GALNT17: variants seen among roughly 807,000 people sequenced by gnomAD.
The protein encoded by GALNT17 is UDP-GalNAc:polypeptide N-acetylgalactosaminyltransferase-like 3.
In GALNT17, 29 loss-of-function variants were observed where a neutral mutation model predicts 63.7. That is an observed-to-expected ratio of 0.46 (90% CI 0.34 to 0.62). GALNT17 has a LOEUF of 0.62. Ranked by LOEUF, GALNT17 falls within the 20% of genes least tolerant of loss-of-function variation. GALNT17 has a pLI of 0.01. For missense variants in GALNT17, 603 were observed against 799.6 expected (o/e 0.75, Z 2.97); for synonymous variants, 305 against 318.3 (o/e 0.96, Z 0.45).
chr7:71,227,018 G>A (rs1374692389), intron 1 of GALNT17, among the ~76,000 whole-genome samples: 1 of 151,526 alleles, frequency 6.6e-6, no homozygotes, highest in Non-Finnish European at 1.5e-5. Flanking sequence ...CAGCTTTTGA[G>A]CCCCTCCTTG....
intron 5 of GALNT17, among the ~76,000 whole-genome samples, chr7:71,450,913 G>GT (rs1787250352): frequency 8.1e-6 from 1 of 123,672 alleles, no homozygotes; most frequent in African/African-American, 3.2e-5. Flanking sequence ...ATTGCATGGC[G>GT]TTTTTCTTTT....
chr7:71,565,137 G>T (rs142294400), intron 5 of GALNT17, among the ~76,000 whole-genome samples: 1 of 152,080 alleles, frequency 6.6e-6, no homozygotes, highest in East Asian at 1.9e-4. Flanking sequence ...CATGGTGCTG[G>T]GTGCCTGTAA....
rs143425779 is a variant in GALNT17, at chr7:71,477,477, C to T, written c.962+56372C>T. Among the ~76,000 whole-genome samples the T allele has an allele frequency of 1.8e-3, 276 of 152,256 alleles. 3 individuals carry two copies. The highest frequency in any genetic ancestry group is 3.0e-3 in the Non-Finnish European group (207 of 68,032). ...TGGCTGTCTTCAGCAGTTGAGGAGA[C>T]GCAAACTGCACAGAGGACAATGAAA... On this transcript the variant is annotated intron_variant, in intron 5 of 10. Transcript: ENST00000333538.
At chr7:71,406,248 A>G (rs1400228128) in intron 3 of GALNT17, among the ~76,000 whole-genome samples, 2 of 152,194 alleles carry the variant, frequency 1.3e-5, no homozygotes, top group Non-Finnish European at 2.9e-5. Flanking sequence ...TCAGCAGAAA[A>G]GGAACTCTGG....
chr7:71,482,901 C>A (rs1260236820), intron 5 of GALNT17, among the ~76,000 whole-genome samples: 2 of 152,074 alleles, frequency 1.3e-5, no homozygotes, highest in African/African-American at 4.8e-5. Context: ...GTTCATGCTC[C>A]TATGAGAATC....
chr7:71,349,830 A>G (rs925341343), intron 2 of GALNT17, among the ~76,000 whole-genome samples: 1 of 152,308 alleles, frequency 6.6e-6, no homozygotes, highest in Admixed American at 6.5e-5. Flanking sequence ...ATGAACACAA[A>G]TGAAGTTTTT....
intron 6 of GALNT17, among the ~76,000 whole-genome samples, chr7:71,578,661 C>T (rs1414182870): frequency 6.6e-6 from 1 of 152,150 alleles, no homozygotes; most frequent in African/African-American, 2.4e-5. Flanking sequence ...AATTATGAGC[C>T]ATCTGGAATA....
intron 9 of GALNT17, among the ~76,000 whole-genome samples, chr7:71,688,931 C>T (rs569907649): frequency 9.2e-5 from 14 of 152,238 alleles, no homozygotes; most frequent in African/African-American, 1.2e-4. Flanking sequence ...CTATGGGTGC[C>T]GTTTTTCCAA....
chr7:71,607,023 G>T (rs573790426), intron 6 of GALNT17, among the ~76,000 whole-genome samples: 1 of 152,138 alleles, frequency 6.6e-6, no homozygotes, highest in African/African-American at 2.4e-5. Flanking sequence ...AATACTAATT[G>T]ATACCAGGAG....
chr7:71,483,961 T>G (rs777333653), intron 5 of GALNT17, among the ~76,000 whole-genome samples: 5 of 152,160 alleles, frequency 3.3e-5, no homozygotes, highest in Admixed American at 6.6e-5. Flanking sequence ...TATCACCATC[T>G]TCCACCTTCT....
intron 3 of GALNT17, among the ~76,000 whole-genome samples, chr7:71,408,805 C>T (rs555515514): frequency 6.6e-6 from 1 of 151,900 alleles, no homozygotes; most frequent in South Asian, 2.1e-4. Flanking sequence ...CTCAGGAGGT[C>T]GAGGCTGTAG....
chr7:71,561,287 C>T (rs1171491479), intron 5 of GALNT17, among the ~76,000 whole-genome samples: 1 of 152,184 alleles, frequency 6.6e-6, no homozygotes, highest in Non-Finnish European at 1.5e-5. Flanking sequence ...GCTGGGATTA[C>T]AGGCATGAGC....
Position 71,598,305 on chromosome 7 carries a change from C to T in GALNT17, c.1080+26903C>T, listed in dbSNP as rs1400413579. On this transcript the variant is annotated intron_variant, in intron 6 of 10. Coordinates refer to ENST00000333538, the MANE Select transcript of GALNT17 (RefSeq NM_022479.3). ...TCTAATTCAGAACACAGGAACAAAA[C>T]TCATATTCTAGAAGAGATGTGTCAC... is the stretch of plus-strand genomic sequence containing the variant. Among the ~76,000 whole-genome samples the T allele has an allele frequency of 2.6e-5, 4 of 152,204 alleles. No homozygotes were observed. In the East Asian group the frequency reaches 7.7e-4, roughly 29 times the overall value.
intron 5 of GALNT17, among the ~76,000 whole-genome samples, chr7:71,529,609 G>A (rs995983622): frequency 1.2e-4 from 19 of 152,254 alleles, no homozygotes; most frequent in African/African-American, 4.3e-4. Flanking sequence ...TTTGGTGGCA[G>A]TGAAATGTGT....
At chr7:71,648,814 T>C (rs372835832) in intron 6 of GALNT17, among the ~76,000 whole-genome samples, 1 of 152,292 alleles carries the variant, frequency 6.6e-6, no homozygotes, top group African/African-American at 2.4e-5. Flanking sequence ...CTAGCCTCAA[T>C]TGTGGGCAAC....
chr7:71,457,522 G>A (rs1050005994), intron 5 of GALNT17, among the ~76,000 whole-genome samples: 1 of 152,202 alleles, frequency 6.6e-6, no homozygotes, highest in Non-Finnish European at 1.5e-5. Context: ...AGCCAGAGCA[G>A]CCCCGAAGGC....
intron 5 of GALNT17, among the ~76,000 whole-genome samples, chr7:71,486,861 C>CAA (rs1178098140): frequency 4.2e-5 from 5 of 120,402 alleles, no homozygotes; most frequent in African/African-American, 1.2e-4. Context: ...AGACCCTGTC[C>CAA]AAAAAAAAAA....
intron 1 of GALNT17, among the ~76,000 whole-genome samples, chr7:71,293,184 C>G (rs1418986011): frequency 1.3e-5 from 2 of 152,008 alleles, no homozygotes; most frequent in Non-Finnish European, 2.9e-5. Context: ...AGATATTTCT[C>G]AACATACTGA....
At chr7:71,669,884 A>G (rs1225487112) in intron 7 of GALNT17, 88 bp from the exon 8 acceptor site, 5 of 1,528,376 alleles carry the variant, frequency 3.3e-6, no homozygotes, top group South Asian at 1.3e-5. Flanking sequence ...TTCTATGTGA[A>G]GGTTTCCCTG....
Sources: gnomAD v4.1 joint callset for allele counts (sites outside exome capture counted in the v4.1 genomes callset) on GRCh38, gnomAD v4.1.1 for gene constraint, MANE v1.5 for transcripts, NCBI Gene and HGNC (gene_info 2026-07-23, HGNC 2026-07-21) for gene names.